Variants in SLMAP observed in about 807,000 individuals in gnomAD.
SLMAP encodes sarcolemmal membrane-associated protein.
Under a neutral mutation model 128.8 loss-of-function variants are expected in SLMAP, and 44 were observed. The observed-to-expected ratio is 0.34, with a 90% CI of 0.27 to 0.44. The LOEUF is 0.44. Ranked by LOEUF, SLMAP falls within the 20% of genes least tolerant of loss-of-function variation. SLMAP has a pLI of 1.00. For missense variants in SLMAP, 787 were observed against 985.3 expected, an observed-to-expected ratio of 0.80 and a Z score of 2.69; for synonymous variants, 327 against 348.8, an observed-to-expected ratio of 0.94 and a Z score of 0.70.
chr3:57,914,627 G>T (rs1033380875), intron 21 of SLMAP, among the ~76,000 whole-genome samples: 4 of 151,102 alleles, frequency 2.6e-5, no homozygotes, highest in Non-Finnish European at 5.9e-5. Context: ...TTGTGGCCCA[G>T]GCTAGAGATC....
At chr3:57,758,104 G>A (rs1258453148) in intron 2 of SLMAP, among the ~76,000 whole-genome samples, 1 of 152,224 alleles carries the variant, frequency 6.6e-6, no homozygotes, top group Non-Finnish European at 1.5e-5. Flanking sequence ...GTCATTCCCA[G>A]TGAAATCCCA....
chr3:57,776,023 T>A (rs1196307239), intron 2 of SLMAP, among the ~76,000 whole-genome samples: 2 of 152,214 alleles, frequency 1.3e-5, no homozygotes, highest in Admixed American at 1.3e-4. Flanking sequence ...TTTAAAAAAA[T>A]TAAATAGATT....
intron 22 of SLMAP, among the ~76,000 whole-genome samples, chr3:57,919,240 G>T (rs954057537): frequency 4.6e-5 from 7 of 152,144 alleles, no homozygotes; most frequent in African/African-American, 1.7e-4. Flanking sequence ...AATTAGCCAG[G>T]CATGATGGCA....
intron 2 of SLMAP, among the ~76,000 whole-genome samples, chr3:57,798,752 A>G (rs1168018400): frequency 6.6e-6 from 1 of 152,216 alleles, no homozygotes; most frequent in Admixed American, 6.5e-5. Context: ...AGAGTCAGCA[A>G]CCATATTGAA....
chr3:57,791,047 T>G (rs2085341932), intron 2 of SLMAP, among the ~76,000 whole-genome samples: 1 of 152,082 alleles, frequency 6.6e-6, no homozygotes, highest in African/African-American at 2.4e-5. Context: ...AGTATAAATA[T>G]AGCAGCAGTC....
At chr3:57,798,326 C>T (rs928897252) in intron 2 of SLMAP, among the ~76,000 whole-genome samples, 15 of 152,194 alleles carry the variant, frequency 9.9e-5, no homozygotes, top group Admixed American at 9.2e-4. Flanking sequence ...CTTATATAGG[C>T]GGCTGCTTTG....
chr3:57,880,658 G>A (rs550592299), intron 14 of SLMAP, among the ~76,000 whole-genome samples: 289 of 151,640 alleles, frequency 1.9e-3, no homozygotes, highest in African/African-American at 6.7e-3. Context: ...TGGGAGGATC[G>A]CTTGAGTTCA....
intron 2 of SLMAP, among the ~76,000 whole-genome samples, chr3:57,766,000 CTTTT>C (rs769246826): frequency 1.5e-5 from 2 of 135,932 alleles, no homozygotes; most frequent in East Asian, 2.1e-4. Flanking sequence ...GATTTTCTTT[CTTTT>C]TTTTTTTTTT....
chr3:57,851,394 T>G (rs2094494504), intron 6 of SLMAP, among the ~76,000 whole-genome samples: 1 of 151,542 alleles, frequency 6.6e-6, no homozygotes, highest in South Asian at 2.1e-4. Context: ...TGGGCTAGAT[T>G]ATGTTTCTTA....
Position 57,913,259 on chromosome 3 carries a change from G to A in SLMAP, c.2122G>A (p.Glu708Lys), listed in dbSNP as rs1445127082. The A allele has an allele frequency of 1.3e-6, 2 of 1,539,860 alleles. No homozygotes were observed. The highest frequency in any genetic ancestry group is 2.3e-5 in the East Asian group (1 of 44,104). ...VLLSSELQRQ[E>K]KELHNSQKQS... ...GCTATCATCAGAACTGCAACGGCAA[G>A]AAAAAGAATTGCACAAGTATGCAAG... Residue 708 changes from glutamate (E) to lysine (K), a missense_variant, in exon 21 of 25, where the codon GAA (glutamate) becomes AAA (lysine). Transcript: ENST00000671191.
Position 57,775,513 on chromosome 3 carries a change from A to C in SLMAP, c.198+17664A>C, listed in dbSNP as rs1310371938. Among the ~76,000 whole-genome samples, 3 of 140,050 alleles carry C rather than the reference A, an allele frequency of 2.1e-5. No individual in the cohort carries two copies. In the South Asian group the frequency reaches 6.5e-4, roughly 31 times the overall value. The allele number at this position is 140,050 out of a possible 152,430, so 91.9% of individuals were successfully genotyped here. ...CAAAGTGAAACCCTGTTGGTACAAA[A>C]AAAAAAAAAAAAAAAAAAAAAAAAA... is the stretch of plus-strand genomic sequence containing the variant. On this transcript the variant is annotated intron_variant, in intron 2 of 24. Coordinates refer to ENST00000671191, the MANE Select transcript of SLMAP (RefSeq NM_001377540.1).
chr3:57,901,919 G>C (rs2096391447), intron 17 of SLMAP: 1 of 152,182 alleles, frequency 6.6e-6, no homozygotes, highest in African/African-American at 2.4e-5. Flanking sequence ...TGTAATCCCA[G>C]CTACTTGGGA....
chr3:57,806,334 G>A (rs569099590), intron 2 of SLMAP, among the ~76,000 whole-genome samples: 259 of 152,240 alleles, frequency 1.7e-3, no homozygotes, highest in Middle Eastern at 0.01. Context: ...TGTATTTGCT[G>A]AGGATGATGG....
chr3:57,805,168 A>G (rs1381261541), intron 2 of SLMAP, among the ~76,000 whole-genome samples: 2 of 152,052 alleles, frequency 1.3e-5, no homozygotes, highest in Non-Finnish European at 2.9e-5. Flanking sequence ...AATTCCTTCA[A>G]GCATTTTTTT....
intron 4 of SLMAP, 123 bp from the exon 5 acceptor site, chr3:57,847,073 AC>A (rs1375800500): frequency 7.8e-6 from 5 of 640,774 alleles, no homozygotes; most frequent in East Asian, 5.3e-5. Context: ...AAAATAGTTC[AC>A]CTTTTTTTAA....
chr3:57,838,711 C>A (rs979244311), intron 3 of SLMAP, among the ~76,000 whole-genome samples: 1 of 152,144 alleles, frequency 6.6e-6, no homozygotes, highest in South Asian at 2.1e-4. Context: ...GACTAAGTAG[C>A]ACATGGTCAT....
rs370741702 is a variant in SLMAP at position 57,858,176 on chromosome 3, A to C, written c.687+17A>C. ...TGCTCCAAAGTAGGTATTAACCTCA[A>C]ATGTGTAAAATGAAATGCATAGTTT... On this transcript the variant is annotated intron_variant, in intron 8 of 24. Coordinates refer to ENST00000671191, the MANE Select transcript of SLMAP (RefSeq NM_001377540.1). The C allele has an allele frequency of 8.5e-5, 120 of 1,408,810 alleles. No homozygotes were observed. Among genetic ancestry groups the C allele is most frequent in the Non-Finnish European group, 1.1e-4 (108 of 996,366 alleles). The allele number at this position is 1,408,810 out of a possible 1,614,324, so 87.3% of individuals were successfully genotyped here. A position where few individuals can be genotyped will look rare whatever the true frequency, so the allele number is the denominator to read the frequency against.
At position 57,927,834 on chromosome 3, in the gene SLMAP, T is replaced by C. The variant is rs1576539979; in HGVS notation, c.*545T>C. 6.5e-6 allele frequency: 1 copy of C among 152,788 alleles called. No homozygotes were observed. The highest frequency in any genetic ancestry group is 1.9e-4 in the East Asian group (1 of 5,194). The allele number at this position is 152,788 out of a possible 1,614,324, so 9.5% of individuals were successfully genotyped here. ...CCCTGTGTGCTCAGTGCCTATCAGT[T>C]TGAAATATATACACATATATATATT... On this transcript the variant is annotated 3_prime_UTR_variant, in exon 25 of 25. Transcript: ENST00000671191.
intron 2 of SLMAP, among the ~76,000 whole-genome samples, chr3:57,781,665 C>T (rs900114768): frequency 2.6e-5 from 4 of 151,380 alleles, no homozygotes; most frequent in African/African-American, 9.7e-5. Context: ...ATTGTATTTA[C>T]CATTTTAGTT....
Sources: gnomAD v4.1 joint callset for allele counts (sites outside exome capture counted in the v4.1 genomes callset) on GRCh38, gnomAD v4.1.1 for gene constraint, MANE v1.5 for transcripts, NCBI Gene and HGNC (gene_info 2026-07-23, HGNC 2026-07-21) for gene names.